Variants in THOC5 observed in about 807,000 individuals in gnomAD.
The protein encoded by THOC5 is THO complex subunit 5.
A neutral mutation model predicts 92.9 loss-of-function variants in THOC5; 43 were observed. That is an observed-to-expected ratio of 0.46 (90% confidence interval 0.36 to 0.60). THOC5 has a LOEUF of 0.60. Among genes scored for constraint, THOC5 ranks in the 20% least tolerant of loss-of-function variants. THOC5 has a pLI of 0.00. For synonymous variants in THOC5, 296 were observed against 320.1 expected (o/e 0.92, Z 0.80); for missense variants, 659 against 849.4 (o/e 0.78, Z 2.79).
chr22:29,536,814 C>A, intron 6 of THOC5, 76 bp from the exon 7 acceptor site: 1 of 825,046 alleles, frequency 1.2e-6, no homozygotes, highest in South Asian at 1.4e-5. Flanking sequence ...CTGTCAGACT[C>A]CACCTAATAG....
chr22:29,518,392 T>C (rs1951718855), intron 15 of THOC5, among the ~76,000 whole-genome samples: 1 of 152,132 alleles, frequency 6.6e-6, no homozygotes, highest in African/African-American at 2.4e-5. Context: ...TGGTAAGCAT[T>C]TGACAACCAC....
rs568387303 is a variant in THOC5, at chr22:29,511,806, G to C, written c.1797+215C>G. Among the ~76,000 whole-genome samples the C allele has an allele frequency of 2.7e-5, 4 of 150,310 alleles. No individual in the cohort carries two copies. In the East Asian group the frequency reaches 5.8e-4, roughly 22 times the overall value. On this transcript the variant is annotated intron_variant, in intron 18 of 19. Coordinates refer to ENST00000490103, the MANE Select transcript of THOC5 (RefSeq NM_003678.5). Reference sequence around the variant, plus strand: ...GTAGGTATTTCTCCTTACTCTCTAAGTGGGGAAACCTGTGGACCCCAAGGT... The same window carrying C: ...GTAGGTATTTCTCCTTACTCTCTAACTGGGGAAACCTGTGGACCCCAAGGT...
At chr22:29,510,493 G>GA (rs1448731238) in intron 19 of THOC5, among the ~76,000 whole-genome samples, 1 of 152,146 alleles carries the variant, frequency 6.6e-6, no homozygotes, top group African/African-American at 2.4e-5. Context: ...AGCTACTAGG[G>GA]AGGCTGAGGC....
intron 15 of THOC5, among the ~76,000 whole-genome samples, chr22:29,518,295 A>C (rs977761935): frequency 6.6e-6 from 1 of 152,180 alleles, no homozygotes; most frequent in Non-Finnish European, 1.5e-5. Context: ...GGCCTCCCAA[A>C]GTGCTGTGAT....
intron 19 of THOC5, among the ~76,000 whole-genome samples, chr22:29,509,848 G>A (rs1217590437): frequency 2.7e-5 from 4 of 147,054 alleles, no homozygotes; most frequent in Non-Finnish European, 6.0e-5. Flanking sequence ...TGCTTAGACT[G>A]ACAGGGAACA....
intron 17 of THOC5, among the ~76,000 whole-genome samples, chr22:29,514,272 T>C (rs2063288208): frequency 6.6e-6 from 1 of 151,794 alleles, no homozygotes; most frequent in South Asian, 2.1e-4. Flanking sequence ...AAATTCACAC[T>C]ACAGAAAGTT....
intron 19 of THOC5, among the ~76,000 whole-genome samples, chr22:29,509,424 C>A (rs2146421992): frequency 6.6e-6 from 1 of 152,302 alleles, no homozygotes; most frequent in East Asian, 1.9e-4. Flanking sequence ...AGGTCTCACA[C>A]AAGCCCTCTA....
rs1601377905 is a variant in THOC5, at chr22:29,512,224, G to C, written c.1682-88C>G. On this transcript the variant is annotated intron_variant, in intron 17 of 19. Coordinates refer to ENST00000490103, the MANE Select transcript of THOC5 (RefSeq NM_003678.5). ...CCTCCCCACTGCACCCCTGAGGCTA[G>C]CTCAGATGTCTCCTATTAATCTGAA... The C allele has an allele frequency of 9.6e-6, 9 of 940,780 alleles. 1 individual carries two copies. In the South Asian group the frequency reaches 9.6e-5, roughly 10 times the overall value. The allele number at this position is 940,780 out of a possible 1,614,324, so 58.3% of individuals were successfully genotyped here.
intron 8 of THOC5, chr22:29,531,296 G>A: frequency 2.0e-6 from 2 of 985,414 alleles, no homozygotes; most frequent in Non-Finnish European, 1.2e-6. Context: ...GGTGAAAGCT[G>A]CATTAGGGCA....
chr22:29,514,762 T>C (rs1472276438), intron 17 of THOC5, among the ~76,000 whole-genome samples: 1 of 151,812 alleles, frequency 6.6e-6, no homozygotes, highest in Non-Finnish European at 1.5e-5. Context: ...TGGAGTGCAG[T>C]GGCTCGATCT....
chr22:29,520,032 G>T lies in THOC5; in HGVS notation c.1350C>A (p.Leu450=). The T allele has an allele frequency of 6.2e-7, 1 of 1,613,814 alleles. No homozygotes were observed. The highest frequency in any genetic ancestry group is 8.5e-7 in the Non-Finnish European group (1 of 1,179,922). ...CCTGGGGCTGCTCTTTGGGGAAGTG[G>T]AGGCCACCCAGCTTCTGCACCCACA... The part of the protein sequence containing the change: ...PYLWVQKLGG[L]HFPKEQPQQT... The change falls in exon 14 of 20, where the codon CTC becomes CTA. Residue 450 remains leucine, a synonymous_variant. Transcript: ENST00000490103.
intron 19 of THOC5, 104 bp downstream of exon 19, chr22:29,511,002 G>A: frequency 8.0e-7 from 1 of 1,247,770 alleles, no homozygotes; most frequent in Non-Finnish European, 1.1e-6. Context: ...CGGCTGCAGG[G>A]GAAGTTTCAG....
chr22:29,528,489 GC>G (rs765165951), intron 9 of THOC5, 23 bp from the exon 10 acceptor site: 1 of 1,612,064 alleles, frequency 6.2e-7, no homozygotes, highest in Non-Finnish European at 8.5e-7. Flanking sequence ...AGAGAAGGCA[GC>G]TAGAGGTGAG....
intron 17 of THOC5, among the ~76,000 whole-genome samples, chr22:29,516,536 G>C (rs2063335899): frequency 6.6e-6 from 1 of 152,214 alleles, no homozygotes. Context: ...ACTTCAGCAG[G>C]GAGCCCTGGC....
intron 2 of THOC5, 72 bp downstream of exon 2, chr22:29,548,980 G>A: frequency 6.7e-7 from 1 of 1,496,274 alleles, no homozygotes; most frequent in Non-Finnish European, 9.2e-7. Flanking sequence ...CCGAGCTGCT[G>A]CAAACACACA....
chr22:29,544,980 C>G (rs2063985022), intron 2 of THOC5: 1 of 345,188 alleles, frequency 2.9e-6, no homozygotes, highest in Non-Finnish European at 5.6e-6. Context: ...GTGCAACTTC[C>G]CATCTGCATT....
intron 12 of THOC5, among the ~76,000 whole-genome samples, chr22:29,522,368 A>T (rs2063460332): frequency 1.1e-5 from 1 of 89,246 alleles, no homozygotes; most frequent in Admixed American, 1.1e-4. Context: ...TCAAAAAAAT[A>T]AATAAAATAA....
chr22:29,516,823 T>C (rs534800265), intron 17 of THOC5, among the ~76,000 whole-genome samples: 27 of 152,278 alleles, frequency 1.8e-4, no homozygotes, highest in African/African-American at 6.0e-4. Flanking sequence ...GCACCACCCC[T>C]AGGACTGCAG....
At chr22:29,509,282 AAAAAAAAAAAG>A (rs2063179180) in intron 19 of THOC5, among the ~76,000 whole-genome samples, 3 of 149,944 alleles carry the variant, frequency 2.0e-5, no homozygotes, top group African/African-American at 7.6e-5. Flanking sequence ...TCTCAAAAAA[AAAAAAAAAAAG>A]AAAAAAGAAA....
Sources: allele counts gnomAD v4.1 joint callset (sites outside exome capture counted in the v4.1 genomes callset), GRCh38; gene constraint gnomAD v4.1.1; transcripts MANE v1.5; gene names NCBI Gene and HGNC (gene_info 2026-07-23, HGNC 2026-07-21).